OXCT1: variants seen among roughly 807,000 people sequenced by gnomAD.
OXCT1 encodes succinyl-CoA:3-ketoacid coenzyme A transferase 1, mitochondrial.
Under a neutral mutation model 69.6 loss-of-function variants are expected in OXCT1, and 27 were observed. The observed-to-expected ratio is 0.39, with a 90% CI of 0.29 to 0.54. The LOEUF is 0.54. Ranked by LOEUF, OXCT1 falls within the 20% of genes least tolerant of loss-of-function variation. OXCT1 has a pLI of 0.72. For missense variants in OXCT1, 437 were observed against 650.2 expected (o/e 0.67, Z 3.57); for synonymous variants, 202 against 217.8 (o/e 0.93, Z 0.64).
rs1307323182 is a variant in OXCT1 at position 41,848,159 on chromosome 5, A to G, written c.564+1871T>C. ...TAACAGACAAACAGAGAGCCAAATC[A>G]TGAGTGAACTCCCATTCACAATTGC... On this transcript the variant is annotated intron_variant, in intron 5 of 16. Transcript: ENST00000196371. Among the ~76,000 whole-genome samples, 4 of 151,498 alleles carry G rather than the reference A, an allele frequency of 2.6e-5. No individual in the cohort carries two copies. The East Asian group carries it at 7.7e-4, about 29-fold the overall frequency.
At chr5:41,742,642 C>T (rs1743230373) in intron 15 of OXCT1, among the ~76,000 whole-genome samples, 1 of 151,966 alleles carries the variant, frequency 6.6e-6, no homozygotes, top group Non-Finnish European at 1.5e-5. Context: ...TGCCCCCCAC[C>T]CCACAACAGG....
intron 14 of OXCT1, among the ~76,000 whole-genome samples, chr5:41,757,988 C>T (rs1744166532): frequency 6.6e-6 from 1 of 152,008 alleles, no homozygotes; most frequent in Non-Finnish European, 1.5e-5. Flanking sequence ...ATCTGGCAGT[C>T]GTGTGCTTGA....
In OXCT1 at chr5:41,794,098, A is replaced by G. The variant is rs1746059700; in HGVS notation, c.1173-20T>C. On this transcript the variant is annotated intron_variant, in intron 12 of 16. Transcript: ENST00000196371. The stretch of plus-strand genomic sequence containing the variant: ...TGTCCACTGAGAAAGAAAGAGGAAG[A>G]ATAAAGTGAACCTCATAAGCTTTTG... 3 of 1,584,954 alleles carry G rather than the reference A, an allele frequency of 1.9e-6. No homozygotes were observed. Among genetic ancestry groups the G allele is most frequent in the Admixed American group, 1.7e-5 (1 of 59,974 alleles).
chr5:41,843,807 A>C, intron 5 of OXCT1: 1 of 279,262 alleles, frequency 3.6e-6, no homozygotes, highest in Non-Finnish European at 7.3e-6. Flanking sequence ...ACCTTTCTTA[A>C]ATAAAGGCTA....
intron 5 of OXCT1, among the ~76,000 whole-genome samples, chr5:41,844,696 T>C (rs1748807061): frequency 6.6e-6 from 1 of 152,072 alleles, no homozygotes. Context: ...TGCACCATGT[T>C]CCAAACAGAG....
Position 41,820,876 on chromosome 5 carries a change from T to C in OXCT1, c.733-13438A>G, listed in dbSNP as rs917195066. 2.6e-5 allele frequency among the ~76,000 whole-genome samples: 4 copies of C among 152,140 alleles called. No individual in the cohort carries two copies. The East Asian group carries it at 5.8e-4, about 22-fold the overall frequency. ...AACAAGGCCAAGAAGTGGAGAGGGA[T>C]TGGGTGGGGTTAGTGCCATACACTC... is the stretch of plus-strand genomic sequence containing the variant. On this transcript the variant is annotated intron_variant, in intron 7 of 16. Coordinates refer to ENST00000196371, the MANE Select transcript of OXCT1 (RefSeq NM_000436.4).
chr5:41,859,864 A>AATATATATATATATATATATATTAT (rs3050894), intron 3 of OXCT1, among the ~76,000 whole-genome samples: 3 of 120,130 alleles, frequency 2.5e-5, no homozygotes, highest in South Asian at 2.9e-4. Flanking sequence ...CTAGTATAGT[A>AATATATATATATATATATATATTAT]ATATATATAT....
chr5:41,853,815 A>C (rs931990692), intron 3 of OXCT1: 7 of 535,402 alleles, frequency 1.3e-5, no homozygotes, highest in Non-Finnish European at 1.0e-5. Context: ...GGTCTTGGGC[A>C]GTAAGGGACA....
rs886060638 is a variant in OXCT1, at chr5:41,853,431, C to A, written c.402G>T (p.Glu134Asp). The A allele has an allele frequency of 2.5e-6, 4 of 1,613,654 alleles. No homozygotes were observed. In the South Asian group the frequency reaches 4.4e-5, roughly 18 times the overall value. Reference protein sequence around the residue: ...RQYLSGELEVELTPQGTLAER... With the variant: ...RQYLSGELEVDLTPQGTLAER... The stretch of plus-strand genomic sequence containing the variant: ...CAAATTTTCTCACCTGTGGTGTCAG[C>A]TCCACTTCTAATTCACCAGATAAGT... The change falls in exon 4 of 17, where the codon GAG (glutamate) becomes GAT (aspartate). Residue 134 changes from glutamate (E) to aspartate (D), a missense_variant. Transcript: ENST00000196371.
At chr5:41,815,714 T>C (rs1747207586) in intron 7 of OXCT1, among the ~76,000 whole-genome samples, 1 of 152,132 alleles carries the variant, frequency 6.6e-6, no homozygotes, top group African/African-American at 2.4e-5. Flanking sequence ...TAATAGTTTT[T>C]AAAAATTACA....
chr5:41,753,040 A>G (rs920489925), intron 14 of OXCT1, among the ~76,000 whole-genome samples: 8 of 152,094 alleles, frequency 5.3e-5, no homozygotes, highest in Non-Finnish European at 1.2e-4. Context: ...GTTCTGCAGT[A>G]TTAAACAACT....
chr5:41,838,106 T>C (rs574726136), intron 7 of OXCT1, among the ~76,000 whole-genome samples: 87 of 152,164 alleles, frequency 5.7e-4, no homozygotes, highest in Non-Finnish European at 1.1e-3. Flanking sequence ...CATCCCACTA[T>C]GACTCCCATA....
chr5:41,732,794 A>G (rs577540603), intron 16 of OXCT1, among the ~76,000 whole-genome samples: 1 of 152,346 alleles, frequency 6.6e-6, no homozygotes, highest in East Asian at 1.9e-4. Flanking sequence ...TTAAATCATC[A>G]GTATTAAAAA....
chr5:41,870,099 A>T lies in OXCT1; in HGVS notation c.78+182T>A. 1 of 664,234 alleles carries T rather than the reference A, an allele frequency of 1.5e-6. No individual in the cohort carries two copies. Among genetic ancestry groups the T allele is most frequent in the East Asian group, 2.8e-5 (1 of 36,252 alleles). 41.1% of individuals were successfully genotyped at this position (664,234 alleles called of 1,614,324 possible). On this transcript the variant is annotated intron_variant, in intron 1 of 16. Coordinates refer to ENST00000196371, the MANE Select transcript of OXCT1 (RefSeq NM_000436.4). This position sits in a 1 kb window ranked among gnomAD's most constrained non-coding sequence, Gnocchi z 4.2. ...ACTGCAGAACCAAGCAAAGGCGGTCATCCGAGGGGCCGGCGAGGCCAGGAA... is the reference window on the plus strand; with the variant it reads ...ACTGCAGAACCAAGCAAAGGCGGTCTTCCGAGGGGCCGGCGAGGCCAGGAA...
chr5:41,792,753 T>G (rs1745984856), intron 13 of OXCT1, among the ~76,000 whole-genome samples: 1 of 152,218 alleles, frequency 6.6e-6, no homozygotes, highest in African/African-American at 2.4e-5. Flanking sequence ...GGGTTCTTAT[T>G]ATGATGGCTC....
intron 16 of OXCT1, among the ~76,000 whole-genome samples, chr5:41,737,386 C>T (rs935823326): frequency 1.3e-5 from 2 of 152,110 alleles, no homozygotes; most frequent in African/African-American, 4.8e-5. Flanking sequence ...TATTTACCCA[C>T]ATGAATAAAA....
At chr5:41,753,170 A>G (rs1331180857) in intron 14 of OXCT1, among the ~76,000 whole-genome samples, 1 of 152,084 alleles carries the variant, frequency 6.6e-6, no homozygotes, top group African/African-American at 2.4e-5. Flanking sequence ...CTTGCATTTC[A>G]TGTCAATACA....
chr5:41,841,803 T>TA lies in OXCT1; in HGVS notation c.671+871dup, dbSNP rs370379940. 1.1e-4 allele frequency among the ~76,000 whole-genome samples: 16 copies of TA among 149,514 alleles called. 1 individual carries two copies. Among genetic ancestry groups the TA allele is most frequent in the African/African-American group, 3.9e-4 (16 of 41,078 alleles). On this transcript the variant is annotated intron_variant, in intron 6 of 16. Coordinates refer to ENST00000196371, the MANE Select transcript of OXCT1 (RefSeq NM_000436.4). ...GTTATTGCCAAAATTAGTTGTACTT[T>TA]AAAAAACTGGCTAAATTAAAGAAAT...
At chr5:41,753,310 G>GACACACACACACACATAGACAC (rs1554066135) in intron 14 of OXCT1, among the ~76,000 whole-genome samples, 1 of 149,886 alleles carries the variant, frequency 6.7e-6, no homozygotes. Flanking sequence ...CACACACATA[G>GACACACACACACACATAGACAC]ACACACACAC....
Sources: allele counts gnomAD v4.1 joint callset (sites outside exome capture counted in the v4.1 genomes callset), GRCh38; gene constraint gnomAD v4.1.1; non-coding constraint Gnocchi (gnomAD v3.1); transcripts MANE v1.5; gene names NCBI Gene and HGNC (gene_info 2026-07-23, HGNC 2026-07-21).